The following JADE2 variants were observed in gnomAD, a reference collection of about 807,000 sequenced individuals.
JADE2 encodes E3 ubiquitin-protein ligase Jade-2.
A neutral mutation model predicts 85.7 loss-of-function variants in JADE2; 13 were observed. That is an observed-to-expected ratio of 0.15 (90% CI 0.10 to 0.24). The LOEUF (loss-of-function observed/expected upper bound fraction) is 0.24. Ranked by LOEUF, JADE2 falls within the 10% of genes least tolerant of loss-of-function variation. JADE2 has a pLI of 1.00. For missense variants in JADE2, 846 were observed against 1,115.9 expected (o/e 0.76, Z 3.45); for synonymous variants, 440 against 456.1 (o/e 0.96, Z 0.45).
chr5:134,534,695 G>T (rs1351493607), intron 1 of JADE2, among the ~76,000 whole-genome samples: 1 of 152,154 alleles, frequency 6.6e-6, no homozygotes, highest in Non-Finnish European at 1.5e-5. Context: ...GGGCAGTGGG[G>T]CTTTCTCTCT....
chr5:134,533,056 G>T (rs1761351521), intron 1 of JADE2, among the ~76,000 whole-genome samples: 1 of 152,182 alleles, frequency 6.6e-6, no homozygotes, highest in African/African-American at 2.4e-5. Context: ...GGTTAGATGG[G>T]GAATTGGCTT....
At chr5:134,547,805 C>G (rs542993720) in intron 3 of JADE2, among the ~76,000 whole-genome samples, 81 of 152,286 alleles carry the variant, frequency 5.3e-4, no homozygotes, top group African/African-American at 1.9e-3. Flanking sequence ...TGTGCCAGAC[C>G]CTGCTTGCAC....
chr5:134,542,946 T>C (rs1423858812), intron 3 of JADE2, among the ~76,000 whole-genome samples: 2 of 151,898 alleles, frequency 1.3e-5, no homozygotes, highest in African/African-American at 2.4e-5. Flanking sequence ...TTGGCCAGGC[T>C]GGTCTCAAAC....
chr5:134,576,189 ACT>A (rs1489059829), intron 10 of JADE2, among the ~76,000 whole-genome samples: 7 of 151,838 alleles, frequency 4.6e-5, no homozygotes, highest in East Asian at 1.9e-4. Context: ...ACAGAGCAAG[ACT>A]CTCTCTCAAA....
At chr5:134,570,778 T>C (rs1164270383) in intron 9 of JADE2, among the ~76,000 whole-genome samples, 3 of 152,252 alleles carry the variant, frequency 2.0e-5, no homozygotes, top group South Asian at 2.1e-4. Context: ...TGGTCATCCA[T>C]TGCTCTCCCC....
At chr5:134,527,676 C>A (rs1446209901) in intron 1 of JADE2, among the ~76,000 whole-genome samples, 1 of 151,868 alleles carries the variant, frequency 6.6e-6, no homozygotes, top group South Asian at 2.1e-4. Flanking sequence ...GTCGGAATCA[C>A]GCCGGCGCGC....
At chr5:134,557,096 AC>A (rs753155033) in intron 4 of JADE2, among the ~76,000 whole-genome samples, 2 of 152,038 alleles carry the variant, frequency 1.3e-5, no homozygotes, top group African/African-American at 2.4e-5. Context: ...ACACACACAC[AC>A]ACACAGTGAT....
rs1420551878 is a variant in JADE2 at position 134,580,146 on chromosome 5, ATC to A, written c.*830_*831del. 5.9e-5 allele frequency: 9 copies of A among 152,758 alleles called. No homozygotes were observed. Among genetic ancestry groups the A allele is most frequent in the African/African-American group, 2.2e-4 (9 of 41,446 alleles). The allele number at this position is 152,758 out of a possible 1,614,324, so 9.5% of individuals were successfully genotyped here. A position where few individuals can be genotyped will look rare whatever the true frequency, so the allele number is the denominator to read the frequency against. On this transcript the variant is annotated 3_prime_UTR_variant, in exon 12 of 12. Coordinates refer to ENST00000681547, the MANE Select transcript of JADE2 (RefSeq NM_001388185.1). The stretch of plus-strand genomic sequence containing the variant: ...GGCTCAGACCAGCCCACTGTAGAGA[ATC>A]ACTCTGAGGCTCCAACTTCCTTCCT...
chr5:134,563,068 A>C (rs943276859), intron 7 of JADE2, among the ~76,000 whole-genome samples: 13 of 152,004 alleles, frequency 8.6e-5, no homozygotes, highest in South Asian at 2.1e-4. Context: ...CTTCAAAGAG[A>C]ATCGGGTGGG....
chr5:134,576,802 T>C lies in JADE2; in HGVS notation c.1587T>C (p.Ser529=). ...GGAGGAGAGCAAAGGGCAAGAAGAG[T>C]GACTCGAAGAGGAAGGGCTGCGAGG... ...RSGRRAKGKK[S]DSKRKGCEGS... The change falls in exon 11 of 12, where the codon AGT becomes AGC. Residue 529 remains serine (S), a synonymous_variant. Coordinates refer to ENST00000681547, the MANE Select transcript of JADE2 (RefSeq NM_001388185.1). 1 of 1,549,942 alleles carries C rather than the reference T, an allele frequency of 6.5e-7. No individual in the cohort carries two copies. Among genetic ancestry groups the C allele is most frequent in the Non-Finnish European group, 8.7e-7 (1 of 1,146,824 alleles).
chr5:134,545,031 A>G (rs2149908040), intron 3 of JADE2, among the ~76,000 whole-genome samples: 1 of 152,372 alleles, frequency 6.6e-6, no homozygotes, highest in East Asian at 1.9e-4. Context: ...ATGAAGGCGT[A>G]TGGTACAGTA....
chr5:134,557,830 G>T (rs200100148), intron 4 of JADE2, among the ~76,000 whole-genome samples: 106 of 1,134 alleles, frequency 0.093, 10 homozygotes, highest in East Asian at 0.24. Context: ...GAATAGTGCC[G>T]CAATAAACAT....
At chr5:134,573,834 T>C in intron 10 of JADE2, 72 bp downstream of exon 10, 1 of 966,928 alleles carries the variant, frequency 1.0e-6, no homozygotes. Flanking sequence ...CCAAGGAGGG[T>C]GTGTCTTTGG....
At position 134,578,876 on chromosome 5, in the gene JADE2, C is replaced by G. The variant is rs929663309; in HGVS notation, c.2064C>G (p.Thr688=). Reference sequence around the variant, plus strand: ...GCAAGGGGGGTCAAGGGCCACCTACCAGGAAGCCACCACGTCGGACATCTT... The same window carrying G: ...GCAAGGGGGGTCAAGGGCCACCTACGAGGAAGCCACCACGTCGGACATCTT... The part of the protein sequence containing the change: ...GSGKGGQGPP[T]RKPPRRTSSH... Residue 688 remains threonine, a synonymous_variant, in exon 12 of 12, where the codon ACC becomes ACG. Coordinates refer to ENST00000681547, the MANE Select transcript of JADE2 (RefSeq NM_001388185.1). This position sits in a 1 kb window ranked among gnomAD's most constrained non-coding sequence, Gnocchi z 4.4. The G allele has an allele frequency of 2.0e-5, 32 of 1,613,698 alleles. No homozygotes were observed. The highest frequency in any genetic ancestry group is 2.6e-5 in the Non-Finnish European group (31 of 1,180,004).
intron 4 of JADE2, among the ~76,000 whole-genome samples, chr5:134,557,276 TTTTA>T (rs1332490381): frequency 7.3e-5 from 5 of 68,682 alleles, no homozygotes; most frequent in South Asian, 3.8e-4. Context: ...TTATTTTTTT[TTTTA>T]TTTTTTTTTT....
intron 3 of JADE2, among the ~76,000 whole-genome samples, chr5:134,540,723 G>A (rs953418426): frequency 6.6e-6 from 1 of 152,174 alleles, no homozygotes; most frequent in African/African-American, 2.4e-5. Context: ...GTTGAAGTGG[G>A]ATGGGGAGTT....
intron 1 of JADE2, among the ~76,000 whole-genome samples, chr5:134,530,745 C>T (rs1761179445): frequency 6.6e-6 from 1 of 152,182 alleles, no homozygotes; most frequent in African/African-American, 2.4e-5. Context: ...GATCATTAGC[C>T]AGGAGCCCAA....
At chr5:134,563,366 G>A (rs1238511949) in intron 7 of JADE2, among the ~76,000 whole-genome samples, 1 of 152,090 alleles carries the variant, frequency 6.6e-6, no homozygotes, top group Non-Finnish European at 1.5e-5. Flanking sequence ...AAGTTGGCTA[G>A]TGGGCCTGCT....
rs534836292 is a variant in JADE2, at chr5:134,543,754, C to G, written c.153+5671C>G. ...CTTCCCTTTGCCTAAAACAGGAGTT[C>G]CTGGCTTGGTTGTTCCCTGGAAGCT... On this transcript the variant is annotated intron_variant, in intron 3 of 11. Coordinates refer to ENST00000681547, the MANE Select transcript of JADE2 (RefSeq NM_001388185.1). Among the ~76,000 whole-genome samples the G allele has an allele frequency of 6.6e-5, 10 of 152,324 alleles. No individual in the cohort carries two copies. In the South Asian group the frequency reaches 1.2e-3, roughly 19 times the overall value.
Sources: allele counts gnomAD v4.1 joint callset (sites outside exome capture counted in the v4.1 genomes callset), GRCh38; gene constraint gnomAD v4.1.1; non-coding constraint Gnocchi (gnomAD v3.1); transcripts MANE v1.5; gene names NCBI Gene and HGNC (gene_info 2026-07-23, HGNC 2026-07-21).